Variants in TMEM217B observed in about 807,000 individuals in gnomAD.
TMEM217B encodes the protein transmembrane protein 217B.
the TMEM217B span, among the ~76,000 whole-genome samples, chr6:37,224,795 T>A: frequency 6.6e-6 from 1 of 152,054 alleles, no homozygotes; most frequent in Non-Finnish European, 1.5e-5. Context: ...CACAGTATGA[T>A]GATAACCTTT....
At chr6:37,252,634 T>C in the TMEM217B span, among the ~76,000 whole-genome samples, 1 of 44,542 alleles carries the variant, frequency 2.2e-5, no homozygotes, top group African/African-American at 9.8e-5. Flanking sequence ...TATATATATA[T>C]ATATTTTTTT....
chr6:37,241,625 C>A, the TMEM217B span, among the ~76,000 whole-genome samples: 3 of 152,284 alleles, frequency 2.0e-5, no homozygotes, highest in African/African-American at 7.2e-5. Context: ...CATCTGGATT[C>A]TGGGTCATCC....
At chr6:37,252,468 T>C in the TMEM217B span, among the ~76,000 whole-genome samples, 3 of 151,774 alleles carry the variant, frequency 2.0e-5, no homozygotes, top group Non-Finnish European at 4.4e-5. Context: ...TACATACATG[T>C]ATACATACAT....
the TMEM217B span, chr6:37,257,776 C>T: frequency 1.1e-6 from 1 of 905,826 alleles, no homozygotes; most frequent in Non-Finnish European, 1.7e-6. Flanking sequence ...GTGCCCACAT[C>T]CAAGATGGCG....
the TMEM217B span, among the ~76,000 whole-genome samples, chr6:37,257,351 C>T: frequency 2.2e-4 from 34 of 152,154 alleles, no homozygotes; most frequent in Middle Eastern, 3.4e-3. Context: ...GACATGTAAA[C>T]GGAATGAGGA....
At chr6:37,245,672 G>T in the TMEM217B span, among the ~76,000 whole-genome samples, 1 of 152,280 alleles carries the variant, frequency 6.6e-6, no homozygotes, top group East Asian at 1.9e-4. Flanking sequence ...CAGAACAACA[G>T]TGACAATAAG....
At chr6:37,218,606 CAGAAACAGTGCATGACT>C in the TMEM217B span, 1 of 1,614,166 alleles carries the variant, frequency 6.2e-7, no homozygotes, top group Non-Finnish European at 8.5e-7. Flanking sequence ...AAAGAACATC[CAGAAACAGTGCATGACT>C]GTACGAGACA....
At chr6:37,219,111 C>T in the TMEM217B span, 10 of 1,365,176 alleles carry the variant, frequency 7.3e-6, no homozygotes, top group East Asian at 2.3e-4. Flanking sequence ...GGGTTTCTGC[C>T]TCCTTCCCCA....
the TMEM217B span, among the ~76,000 whole-genome samples, chr6:37,252,510 GCA>G: frequency 4.7e-5 from 7 of 150,122 alleles, no homozygotes; most frequent in Middle Eastern, 3.2e-3. Context: ...ATATATATAT[GCA>G]CACACACATG....
chr6:37,238,192 C>T, the TMEM217B span, among the ~76,000 whole-genome samples: 1 of 147,616 alleles, frequency 6.8e-6, no homozygotes. Flanking sequence ...AGGATAGTAA[C>T]ATTTACCTCA....
At chr6:37,240,610 T>G in the TMEM217B span, among the ~76,000 whole-genome samples, 3 of 152,274 alleles carry the variant, frequency 2.0e-5, no homozygotes, top group African/African-American at 7.2e-5. Context: ...CAGGGGACTA[T>G]GGGGAGAGGA....
chr6:37,255,202 A>G, the TMEM217B span, among the ~76,000 whole-genome samples: 1 of 152,226 alleles, frequency 6.6e-6, no homozygotes, highest in Non-Finnish European at 1.5e-5. Context: ...GAGCCAGGCA[A>G]TAAGACCAAT....
the TMEM217B span, among the ~76,000 whole-genome samples, chr6:37,242,169 C>G: frequency 2.0e-5 from 3 of 152,176 alleles, no homozygotes; most frequent in African/African-American, 7.2e-5. Flanking sequence ...AGTGGTCCCA[C>G]TGCTCATAGC....
At chr6:37,257,958 C>G in the TMEM217B span, 1 of 1,614,140 alleles carries the variant, frequency 6.2e-7, no homozygotes. Context: ...AAGAGGAGCG[C>G]TAAGCTGCCG....
chr6:37,233,792 A>C, the TMEM217B span, among the ~76,000 whole-genome samples: 2 of 152,184 alleles, frequency 1.3e-5, no homozygotes, highest in South Asian at 4.1e-4. Flanking sequence ...CTAACTAACT[A>C]ACTAACTAAG....
the TMEM217B span, chr6:37,258,033 C>A: frequency 6.3e-7 from 1 of 1,575,860 alleles, no homozygotes; most frequent in East Asian, 2.3e-5. Context: ...GATCCTAATC[C>A]CTGAATCCCG....
chr6:37,252,204 T>C, the TMEM217B span, among the ~76,000 whole-genome samples: 1 of 152,236 alleles, frequency 6.6e-6, no homozygotes, highest in Non-Finnish European at 1.5e-5. Flanking sequence ...GGATTTTACA[T>C]TTTTTAATTG....
the TMEM217B span, among the ~76,000 whole-genome samples, chr6:37,223,223 G>C: frequency 6.6e-6 from 1 of 150,654 alleles, no homozygotes. Flanking sequence ...CTGAGGATTT[G>C]CACAACTGAA....
At chr6:37,252,635 ATATTTTTTTTTT>A in the TMEM217B span, among the ~76,000 whole-genome samples, 658 of 60,380 alleles carry the variant, frequency 0.011, 2 homozygotes, top group Non-Finnish European at 0.016. Flanking sequence ...ATATATATAT[ATATTTTTTTTTT>A]TTTTTTTTTT....
Sources: allele counts gnomAD v4.1 joint callset (sites outside exome capture counted in the v4.1 genomes callset), GRCh38; gene constraint gnomAD v4.1.1; transcripts MANE v1.5; gene names NCBI Gene and HGNC (gene_info 2026-07-23, HGNC 2026-07-21).